The following DIPK1A variants were observed in gnomAD, a reference collection of about 807,000 sequenced individuals.
The protein encoded by DIPK1A is divergent protein kinase domain 1A.
DIPK1A carries 27 observed loss-of-function variants against 40.8 expected under a neutral mutation model. The ratio of observed to expected loss-of-function variants is 0.66; its 90% CI spans 0.49 to 0.91. DIPK1A has a LOEUF of 0.91. Among genes scored for constraint, DIPK1A ranks in the 40% least tolerant of loss-of-function variants. The pLI, the probability that DIPK1A is intolerant of heterozygous loss-of-function variation, is 0.00. For missense variants in DIPK1A, 412 were observed against 505.7 expected, an observed-to-expected ratio of 0.81 and a Z score of 1.78; for synonymous variants, 166 against 171.3, an observed-to-expected ratio of 0.97 and a Z score of 0.24.
chr1:92,950,154 C>CT (rs1651568604), intron 1 of DIPK1A, among the ~76,000 whole-genome samples: 1 of 151,918 alleles, frequency 6.6e-6, no homozygotes, highest in Non-Finnish European at 1.5e-5. Context: ...TGAGTTGAGA[C>CT]TTAAAGGACA....
chr1:92,863,729 T>TC (rs1328976745), intron 2 of DIPK1A, among the ~76,000 whole-genome samples: 3 of 152,056 alleles, frequency 2.0e-5, no homozygotes, highest in African/African-American at 7.2e-5. Context: ...GCTATACTTT[T>TC]CTTAAAAGGA....
intron 1 of DIPK1A, among the ~76,000 whole-genome samples, chr1:92,941,590 G>A (rs1444491462): frequency 6.6e-6 from 1 of 152,138 alleles, no homozygotes; most frequent in African/African-American, 2.4e-5. Flanking sequence ...TGTCCTGGTA[G>A]TTTTTACATC....
chr1:92,956,005 C>T (rs192160763), intron 1 of DIPK1A, among the ~76,000 whole-genome samples: 2 of 151,876 alleles, frequency 1.3e-5, no homozygotes, highest in South Asian at 2.1e-4. Context: ...CACTGAACTC[C>T]AGCCTGGGTG....
intron 1 of DIPK1A, among the ~76,000 whole-genome samples, chr1:92,923,836 TC>T (rs1434142838): frequency 6.6e-6 from 1 of 152,006 alleles, no homozygotes; most frequent in African/African-American, 2.4e-5. Flanking sequence ...TAAACTCAAA[TC>T]CAACCATCAG....
At chr1:92,837,549 C>T (rs1322065986), downstream of DIPK1A, 3 of 1,611,952 alleles carry the variant, frequency 1.9e-6, no homozygotes, top group Non-Finnish European at 2.5e-6. Flanking sequence ...TTGCAGATTA[C>T]ATGCGCTACT....
At chr1:92,924,531 G>A (rs1650409220) in intron 1 of DIPK1A, among the ~76,000 whole-genome samples, 1 of 152,146 alleles carries the variant, frequency 6.6e-6, no homozygotes, top group African/African-American at 2.4e-5. Context: ...GGAAGAAGGA[G>A]TCAGGGGGCA....
intron 2 of DIPK1A, among the ~76,000 whole-genome samples, chr1:92,856,181 C>T (rs1408449733): frequency 6.6e-6 from 1 of 151,772 alleles, no homozygotes; most frequent in Non-Finnish European, 1.5e-5. Flanking sequence ...GAGAAACAAA[C>T]ATTATTAGGA....
intron 1 of DIPK1A, chr1:92,932,709 A>G (rs1389008856): frequency 6.6e-6 from 1 of 152,218 alleles, no homozygotes; most frequent in Non-Finnish European, 1.5e-5. Context: ...AAAAGGCTAC[A>G]TACATACTGT....
chr1:92,952,928 TC>T (rs1245082107), intron 1 of DIPK1A, among the ~76,000 whole-genome samples: 1 of 152,184 alleles, frequency 6.6e-6, no homozygotes, highest in African/African-American at 2.4e-5. Flanking sequence ...AGTCTATGAC[TC>T]TGATACTATG....
rs535379858 is a variant in DIPK1A at position 92,870,482 on chromosome 1, T to TC, written c.189+5813dup. Among the ~76,000 whole-genome samples the TC allele has an allele frequency of 3.4e-3, 519 of 152,332 alleles. 3 individuals carry two copies. The highest frequency in any genetic ancestry group is 0.012 in the African/African-American group (488 of 41,574). ...CTCAGGTGATCCACCCGCCTCAGCC[T>TC]CCCAAAATGCTGGGATTACAGGCGT... On this transcript the variant is annotated intron_variant, in intron 2 of 4. Coordinates refer to ENST00000370310, the MANE Select transcript of DIPK1A (RefSeq NM_001006605.5).
At chr1:92,842,052 G>T, downstream of DIPK1A, 1 of 794,172 alleles carries the variant, frequency 1.3e-6, no homozygotes, top group Non-Finnish European at 1.8e-6. Context: ...AAGAAAAAAA[G>T]TTGTTATTTC....
intron 4 of DIPK1A, chr1:92,836,517 C>A: frequency 4.7e-6 from 4 of 851,760 alleles, no homozygotes; most frequent in Non-Finnish European, 7.8e-6. Context: ...TGCCTAGGTA[C>A]CATGCAGGAG....
At chr1:92,852,851 GCAATA>G (rs996806565) in intron 2 of DIPK1A, among the ~76,000 whole-genome samples, 2 of 152,106 alleles carry the variant, frequency 1.3e-5, no homozygotes, top group Non-Finnish European at 2.9e-5. Flanking sequence ...AGCAGCCTGG[GCAATA>G]CAGCAAGACC....
At chr1:92,936,075 G>A (rs1237227569) in intron 1 of DIPK1A, among the ~76,000 whole-genome samples, 1 of 151,310 alleles carries the variant, frequency 6.6e-6, no homozygotes, top group Non-Finnish European at 1.5e-5. Flanking sequence ...GACAGAGAGA[G>A]ACTTCATCTC....
intron 4 of DIPK1A, 23 bp from the exon 5 acceptor site, chr1:92,844,218 C>A: frequency 6.8e-7 from 1 of 1,472,316 alleles, no homozygotes; most frequent in Non-Finnish European, 9.2e-7. Context: ...TGGCTAGTTA[C>A]ACAGAAGGAA....
At chr1:92,922,209 G>GCTTT (rs34741191) in intron 1 of DIPK1A, among the ~76,000 whole-genome samples, 52,682 of 151,244 alleles carry the variant, frequency 0.35, 9,541 homozygotes, top group African/African-American at 0.38. Context: ...TTTATCTATA[G>GCTTT]TTTTATTGAA....
At chr1:92,889,301 A>G (rs1453681050) in intron 1 of DIPK1A, among the ~76,000 whole-genome samples, 1 of 152,162 alleles carries the variant, frequency 6.6e-6, no homozygotes, top group Non-Finnish European at 1.5e-5. Flanking sequence ...CCTTCATCAA[A>G]TATCAGATAG....
chr1:92,836,454 T>C, intron 4 of DIPK1A: 1 of 1,457,026 alleles, frequency 6.9e-7, no homozygotes, highest in Non-Finnish European at 9.6e-7. Flanking sequence ...TTTAACTAGT[T>C]GGACTGTGGA....
intron 1 of DIPK1A, among the ~76,000 whole-genome samples, chr1:92,922,896 A>C (rs544188986): frequency 1.5e-4 from 23 of 151,820 alleles, no homozygotes; most frequent in African/African-American, 4.8e-4. Flanking sequence ...TGTCATCCAT[A>C]GCTACCATCT....
Sources: allele counts gnomAD v4.1 joint callset (sites outside exome capture counted in the v4.1 genomes callset), GRCh38; gene constraint gnomAD v4.1.1; transcripts MANE v1.5; gene names NCBI Gene and HGNC (gene_info 2026-07-23, HGNC 2026-07-21).